TSPEAR: variants seen among roughly 807,000 people sequenced by gnomAD.
The protein encoded by TSPEAR is thrombospondin type laminin G domain and EAR repeats.
A neutral mutation model predicts 71.6 loss-of-function variants in TSPEAR; 69 were observed. The observed-to-expected ratio is 0.96, with a 90% CI of 0.79 to 1.18. TSPEAR has a LOEUF of 1.18. Among genes scored for constraint, TSPEAR ranks in the 50% most tolerant of loss-of-function variants. TSPEAR has a pLI of 0.00. For synonymous variants in TSPEAR, 402 were observed against 387.2 expected (o/e 1.04, Z -0.45); for missense variants, 971 against 894.9 (o/e 1.09, Z -1.09).
intron 2 of TSPEAR, chr21:44,539,225 C>T (rs587620839): frequency 6.2e-5 from 96 of 1,559,522 alleles, no homozygotes; most frequent in Non-Finnish European, 7.9e-5. Context: ...AGCCACCTAA[C>T]CCAGGTCAGG....
At chr21:44,654,252 C>G in intron 1 of TSPEAR, 1 of 1,585,202 alleles carries the variant, frequency 6.3e-7, no homozygotes, top group Non-Finnish European at 8.7e-7. Context: ...CTCGCACCTA[C>G]GAGGGTCATA....
intron 1 of TSPEAR, chr21:44,592,039 G>C (rs782600759): frequency 6.2e-7 from 1 of 1,601,152 alleles, no homozygotes; most frequent in South Asian, 1.1e-5. Flanking sequence ...CTGGCAGGGG[G>C]AGGAGGTGCA....
Position 44,533,934 on chromosome 21 carries a change from C to G in TSPEAR, c.304-11G>C, listed in dbSNP as rs781990216. On this transcript the variant is annotated splice_polypyrimidine_tract_variant and intron_variant, in intron 2 of 11. Coordinates refer to ENST00000323084, the MANE Select transcript of TSPEAR (RefSeq NM_144991.3). Reference sequence around the variant, plus strand: ...CAGGTACTCGTTCCTCTGTGGAGAGCGGGCCAGGCTCAGGACGGGGCTGGG... The same window carrying G: ...CAGGTACTCGTTCCTCTGTGGAGAGGGGGCCAGGCTCAGGACGGGGCTGGG... The G allele has an allele frequency of 2.0e-6, 3 of 1,474,350 alleles. No individual in the cohort carries two copies. The highest frequency in any genetic ancestry group is 1.8e-6 in the Non-Finnish European group (2 of 1,084,092). The allele number at this position is 1,474,350 out of a possible 1,614,324, so 91.3% of individuals were successfully genotyped here.
At chr21:44,529,042 CTA>C (rs1354253703) in intron 5 of TSPEAR, among the ~76,000 whole-genome samples, 1 of 152,254 alleles carries the variant, frequency 6.6e-6, no homozygotes, top group Non-Finnish European at 1.5e-5. Flanking sequence ...CCTCTTGACT[CTA>C]TGTGGGACAT....
At chr21:44,622,082 T>C (rs1253002898) in intron 1 of TSPEAR, among the ~76,000 whole-genome samples, 1 of 152,162 alleles carries the variant, frequency 6.6e-6, no homozygotes, top group Admixed American at 6.5e-5. Context: ...GACCCTTCCC[T>C]AAAGAGCAGG....
chr21:44,563,347 G>A (rs1353534482), intron 2 of TSPEAR, among the ~76,000 whole-genome samples: 3 of 151,960 alleles, frequency 2.0e-5, no homozygotes, highest in African/African-American at 2.4e-5. Flanking sequence ...CTACAAAAAG[G>A]ACAAAAAGGA....
Position 44,498,661 on chromosome 21 carries a change from C to G in TSPEAR, c.*1122G>C, listed in dbSNP as rs1555910769. 2.6e-5 allele frequency: 4 copies of G among 152,286 alleles called. No individual in the cohort carries two copies. The highest frequency in any genetic ancestry group is 9.6e-5 in the African/African-American group (4 of 41,476). 9.4% of individuals were successfully genotyped at this position (152,286 alleles called of 1,614,324 possible). On this transcript the variant is annotated 3_prime_UTR_variant, in exon 12 of 12. Transcript: ENST00000323084. ...GAAATAGGAAGTTTTGTCCACAGTT[C>G]TGATTGGCGGAAAAAGCACATTGTA...
At chr21:44,689,587 T>A (rs1987022883) in intron 1 of TSPEAR, among the ~76,000 whole-genome samples, 1 of 150,034 alleles carries the variant, frequency 6.7e-6, no homozygotes. Flanking sequence ...GCTTTGAAAA[T>A]GAACAATTAG....
rs1555921932 is a variant in TSPEAR at position 44,567,854 on chromosome 21, G to A, written c.234C>T (p.Ser78=). ...TMSFPASRIF[S]QCDLFPEEFS... The stretch of plus-strand genomic sequence containing the variant: ...ATTCTTCAGGGAAGAGGTCACACTG[G>A]GAGAAAATCCTGGATGCTGGGAAGC... The change falls in exon 2 of 12, where the codon TCC becomes TCT. Residue 78 remains serine (S), a synonymous_variant. Transcript: ENST00000323084. 6.2e-7 allele frequency: 1 copy of A among 1,609,636 alleles called. No homozygotes were observed. Among genetic ancestry groups the A allele is most frequent in the South Asian group, 1.1e-5 (1 of 90,376 alleles).
rs782361356 is a variant in TSPEAR, at chr21:44,531,089, G to A, written c.587C>T (p.Ala196Val). 6.2e-7 allele frequency: 1 copy of A among 1,613,844 alleles called. No homozygotes were observed. The highest frequency in any genetic ancestry group is 1.1e-5 in the South Asian group (1 of 91,066). The part of the protein sequence containing the change: ...PFPATLSVKG[A>V]RFFVGSRRRA... ...CCTCCGGCTGCCGACGAAGAATCGA[G>A]CTCCTTTCACTGACAGGGTGGCTGG... The change falls in exon 4 of 12, where the codon GCT becomes GTT. Residue 196 changes from alanine (A) to valine (V), a missense_variant. Ala to Val is a moderately conservative substitution (Grantham distance 64, BLOSUM62 0). Coordinates refer to ENST00000323084, the MANE Select transcript of TSPEAR (RefSeq NM_144991.3).
chr21:44,686,546 G>T, intron 1 of TSPEAR: 1 of 153,440 alleles, frequency 6.5e-6, no homozygotes, highest in Non-Finnish European at 1.5e-5. Flanking sequence ...TCGGGCCTGT[G>T]TGTGGCCGCC....
In TSPEAR at chr21:44,695,385, G is replaced by A. The variant is rs1302167231; in HGVS notation, c.82+16048C>T. Reference sequence around the variant, plus strand: ...CAGACCTTCTACTGAGAGGTCGGGGGTCGGGTCATGACACACAGCAGGAAA... The same window carrying A: ...CAGACCTTCTACTGAGAGGTCGGGGATCGGGTCATGACACACAGCAGGAAA... On this transcript the variant is annotated intron_variant, in intron 1 of 11. Transcript: ENST00000323084. The surrounding 1 kb of genome is among the most constrained non-coding windows in gnomAD (Gnocchi z 4.5). Among the ~76,000 whole-genome samples the A allele has an allele frequency of 6.6e-6, 1 of 152,198 alleles. No homozygotes were observed. The highest frequency in any genetic ancestry group is 2.1e-4 in the South Asian group (1 of 4,814).
rs782024397 is a variant in TSPEAR, at chr21:44,533,868, C to T, written c.359G>A (p.Gly120Asp). 8 of 1,612,360 alleles carry T rather than the reference C, an allele frequency of 5.0e-6. No individual in the cohort carries two copies. In the South Asian group the frequency reaches 7.7e-5, roughly 15 times the overall value. Reference sequence around the variant, plus strand: ...CAGCTGGGCAGGTGACAACCGCAGGCCGAGCAGCAGCAGGTCGCTCTCCTC... The same window carrying T: ...CAGCTGGGCAGGTGACAACCGCAGGTCGAGCAGCAGCAGGTCGCTCTCCTC... The part of the protein sequence containing the change: ...VAEESDLLLL[G>D]LRLSPAQLHF... Residue 120 changes from glycine (G) to aspartate (D), a missense_variant, in exon 3 of 12, where the codon GGC (glycine) becomes GAC (aspartate). Transcript: ENST00000323084.
chr21:44,628,762 G>C (rs1983068461), intron 1 of TSPEAR, among the ~76,000 whole-genome samples: 1 of 152,212 alleles, frequency 6.6e-6, no homozygotes, highest in Non-Finnish European at 1.5e-5. Flanking sequence ...TGGAGACTTG[G>C]GCTCCAGCTG....
At chr21:44,587,079 G>A (rs1462570810) in intron 1 of TSPEAR, among the ~76,000 whole-genome samples, 5 of 152,238 alleles carry the variant, frequency 3.3e-5, no homozygotes, top group South Asian at 2.1e-4. Flanking sequence ...CATCCAAATC[G>A]GTACAGAGGA....
At chr21:44,529,166 G>A (rs1418804513) in intron 5 of TSPEAR, among the ~76,000 whole-genome samples, 6 of 152,214 alleles carry the variant, frequency 3.9e-5, no homozygotes, top group South Asian at 2.1e-4. Context: ...CCTGAGGCTC[G>A]GGGGCTCGGC....
intron 1 of TSPEAR, among the ~76,000 whole-genome samples, chr21:44,703,773 G>A (rs1219135678): frequency 6.6e-6 from 1 of 152,110 alleles, no homozygotes; most frequent in Non-Finnish European, 1.5e-5. Context: ...CTCTTTGGGG[G>A]TTTCCTTTGG....
intron 1 of TSPEAR, among the ~76,000 whole-genome samples, chr21:44,582,840 T>TTCTTC (rs1345777755): frequency 2.6e-5 from 4 of 151,476 alleles, no homozygotes; most frequent in Middle Eastern, 3.4e-3. Context: ...CCTTCTTTCT[T>TTCTTC]TCTTTTCTTT....
At chr21:44,621,701 C>T (rs467936) in intron 1 of TSPEAR, among the ~76,000 whole-genome samples, 12,274 of 152,258 alleles carry the variant, frequency 0.081, 542 homozygotes, top group East Asian at 0.2. Context: ...TTATTTCTCT[C>T]CCAGTTGTTT....
Sources: allele counts gnomAD v4.1 joint callset (sites outside exome capture counted in the v4.1 genomes callset), GRCh38; gene constraint gnomAD v4.1.1; non-coding constraint Gnocchi (gnomAD v3.1); transcripts MANE v1.5; gene names NCBI Gene and HGNC (gene_info 2026-07-23, HGNC 2026-07-21).